SORCS1: variants seen among roughly 807,000 people sequenced by gnomAD.
SORCS1 encodes VPS10 domain-containing receptor SorCS1.
SORCS1 carries 60 observed loss-of-function variants against 146.1 expected under a neutral mutation model. That is an observed-to-expected ratio of 0.41 (90% CI 0.33 to 0.51). SORCS1 has a LOEUF of 0.51. SORCS1 is among the 20% of genes least tolerant of loss of function. SORCS1 has a pLI of 0.21. For missense variants in SORCS1, 1,352 were observed against 1,487.6 expected (o/e 0.91, Z 1.50); for synonymous variants, 637 against 584.0 (o/e 1.09, Z -1.31).
chr10:107,106,545 T>C (rs533771515), intron 1 of SORCS1, among the ~76,000 whole-genome samples: 2 of 152,320 alleles, frequency 1.3e-5, no homozygotes, highest in East Asian at 3.9e-4. Flanking sequence ...CAAAAAACTA[T>C]TATATCTATT....
chr10:106,962,394 CA>C (rs60616146), intron 1 of SORCS1, among the ~76,000 whole-genome samples: 68 of 62,590 alleles, frequency 1.1e-3, no homozygotes, highest in South Asian at 4.6e-3. Context: ...AACTCCATCT[CA>C]AAAAAAAAAA....
chr10:106,577,095 TGTC>T lies in SORCS1; in HGVS notation c.*322_*324del, dbSNP rs1293205182. On this transcript the variant is annotated 3_prime_UTR_variant, in exon 26 of 26. Transcript: ENST00000263054. ...CAGGCTTAAAGCTAAAAACCCTTGTTGTCTGTGTCTGAAGAATTAAAAAGTCCC... is the reference window on the plus strand; with the variant it reads ...CAGGCTTAAAGCTAAAAACCCTTGTTTGTGTCTGAAGAATTAAAAAGTCCC... 2.6e-6 allele frequency: 2 copies of T among 769,760 alleles called. No homozygotes were observed. Among genetic ancestry groups the T allele is most frequent in the Non-Finnish European group, 3.7e-6 (2 of 545,712 alleles). The allele number at this position is 769,760 out of a possible 1,614,324, so 47.7% of individuals were successfully genotyped here. A position where few individuals can be genotyped will look rare whatever the true frequency, so the allele number is the denominator to read the frequency against.
chr10:106,779,836 C>T (rs1198193985), intron 3 of SORCS1, among the ~76,000 whole-genome samples: 2 of 152,066 alleles, frequency 1.3e-5, no homozygotes, highest in Non-Finnish European at 2.9e-5. Context: ...AATGCACACA[C>T]GTTAACACAC....
At chr10:107,069,200 T>C (rs1962201262) in intron 1 of SORCS1, among the ~76,000 whole-genome samples, 1 of 152,050 alleles carries the variant, frequency 6.6e-6, no homozygotes, top group South Asian at 2.1e-4. Context: ...CGGATATGCA[T>C]TGAGAGATAT....
intron 3 of SORCS1, among the ~76,000 whole-genome samples, chr10:106,781,637 A>T (rs1290310161): frequency 6.6e-6 from 1 of 152,220 alleles, no homozygotes; most frequent in Admixed American, 6.5e-5. Context: ...TCTGATCTCA[A>T]AATTAAAATC....
intron 18 of SORCS1, among the ~76,000 whole-genome samples, chr10:106,650,971 C>A (rs980610970): frequency 2.6e-5 from 4 of 152,048 alleles, no homozygotes; most frequent in African/African-American, 9.7e-5. Flanking sequence ...CAAGCAGAAA[C>A]CTCCAGAGTT....
At chr10:106,852,432 A>G (rs1949621252) in intron 2 of SORCS1, among the ~76,000 whole-genome samples, 1 of 152,058 alleles carries the variant, frequency 6.6e-6, no homozygotes. Flanking sequence ...GATCAAGACC[A>G]TCCTGGCCAA....
At chr10:106,705,087 T>C (rs1854422781) in intron 8 of SORCS1, among the ~76,000 whole-genome samples, 1 of 152,184 alleles carries the variant, frequency 6.6e-6, no homozygotes, top group Non-Finnish European at 1.5e-5. Context: ...TTGTAAATTC[T>C]TGTCTTACTG....
chr10:106,619,541 G>C (rs1847598940), intron 20 of SORCS1, among the ~76,000 whole-genome samples: 1 of 152,216 alleles, frequency 6.6e-6, no homozygotes, highest in African/African-American at 2.4e-5. Context: ...GTTCATCCCA[G>C]TGTCCTTTGG....
chr10:107,086,625 C>G (rs1963784032), intron 1 of SORCS1, among the ~76,000 whole-genome samples: 1 of 152,040 alleles, frequency 6.6e-6, no homozygotes, highest in Non-Finnish European at 1.5e-5. Context: ...TTTTTTAAAG[C>G]AATTGGAAGA....
At chr10:107,158,695 C>T (rs891044194) in intron 1 of SORCS1, among the ~76,000 whole-genome samples, 1 of 152,302 alleles carries the variant, frequency 6.6e-6, no homozygotes, top group East Asian at 1.9e-4. Flanking sequence ...ACAAATATCC[C>T]TATGCCAGTG....
intron 24 of SORCS1, among the ~76,000 whole-genome samples, chr10:106,583,724 G>C (rs2133219720): frequency 6.6e-6 from 1 of 152,010 alleles, no homozygotes; most frequent in African/African-American, 2.4e-5. Context: ...TGGCCAGGCT[G>C]GTCTCGAACG....
At chr10:106,899,470 G>A (rs1406532596) in intron 2 of SORCS1, among the ~76,000 whole-genome samples, 7 of 152,168 alleles carry the variant, frequency 4.6e-5, no homozygotes, top group South Asian at 2.1e-4. Flanking sequence ...GATAAGCTGC[G>A]GGACTATGAA....
chr10:106,752,579 C>G (rs11193037), intron 5 of SORCS1, among the ~76,000 whole-genome samples: 33,550 of 152,056 alleles, frequency 0.22, 4,681 homozygotes, highest in East Asian at 0.48. Flanking sequence ...GTACATTCAA[C>G]CCCACAATGG....
At chr10:106,760,585 G>A (rs754043741) in intron 5 of SORCS1, among the ~76,000 whole-genome samples, 2 of 151,556 alleles carry the variant, frequency 1.3e-5, no homozygotes, top group Non-Finnish European at 2.9e-5. Flanking sequence ...CATTGATCTC[G>A]AACTCCCCAG....
chr10:106,923,720 T>A (rs1163111570), intron 2 of SORCS1, among the ~76,000 whole-genome samples: 3 of 152,230 alleles, frequency 2.0e-5, no homozygotes, highest in Non-Finnish European at 4.4e-5. Context: ...GTGTTGAACA[T>A]CTTTCCCCAT....
intron 1 of SORCS1, among the ~76,000 whole-genome samples, chr10:107,156,067 A>G (rs886751300): frequency 6.6e-6 from 1 of 152,186 alleles, no homozygotes. Context: ...GTTATTGCCA[A>G]GTAAAGTGTC....
intron 1 of SORCS1, among the ~76,000 whole-genome samples, chr10:107,035,631 A>G (rs981477588): frequency 1.3e-5 from 2 of 152,174 alleles, no homozygotes; most frequent in African/African-American, 4.8e-5. Flanking sequence ...GATTGCAAAC[A>G]TCACCTACAA....
intron 1 of SORCS1, among the ~76,000 whole-genome samples, chr10:107,023,574 A>G (rs1027164575): frequency 1.1e-4 from 17 of 152,206 alleles, no homozygotes; most frequent in African/African-American, 3.9e-4. Context: ...ATTCAAACTA[A>G]TAATTCAAGA....
Sources: allele counts gnomAD v4.1 joint callset (sites outside exome capture counted in the v4.1 genomes callset), GRCh38; gene constraint gnomAD v4.1.1; transcripts MANE v1.5; gene names NCBI Gene and HGNC (gene_info 2026-07-23, HGNC 2026-07-21).